The following CNTN4 variants were observed in gnomAD, a reference collection of about 807,000 sequenced individuals.
CNTN4 encodes contactin 4, also known as contactin-4.
CNTN4 carries 77 observed loss-of-function variants against 122.5 expected under a neutral mutation model. That is an observed-to-expected ratio of 0.63 (90% confidence interval 0.52 to 0.76). The LOEUF is 0.76. Ranked by LOEUF, CNTN4 falls within the 30% of genes least tolerant of loss-of-function variation. CNTN4 has a pLI of 0.00. For missense variants in CNTN4, 1,256 were observed against 1,259.1 expected (o/e 1.00, Z 0.04); for synonymous variants, 512 against 447.0 (o/e 1.15, Z -1.83).
chr3:2,312,587 T>C lies in CNTN4; in HGVS notation c.-144-26591T>C, dbSNP rs368951722. On this transcript the variant is annotated intron_variant, in intron 2 of 24. Coordinates refer to ENST00000418658, the MANE Select transcript of CNTN4 (RefSeq NM_175607.3). ...TAAAGTAGGAACACATGCCTCTCTA[T>C]GTGACATCCATTGTGACACAGATGG... 1.3e-3 allele frequency among the ~76,000 whole-genome samples: 197 copies of C among 152,198 alleles called. 10 individuals are homozygous for C. The South Asian group carries it at 0.039, about 30-fold the overall frequency.
chr3:2,994,759 A>T (rs1695379502), intron 14 of CNTN4, among the ~76,000 whole-genome samples: 2 of 152,190 alleles, frequency 1.3e-5, no homozygotes, highest in Admixed American at 6.5e-5. Context: ...AATAAAGTAG[A>T]GTCTTTTCAG....
At chr3:2,821,654 A>G (rs1465906365) in intron 7 of CNTN4, among the ~76,000 whole-genome samples, 4 of 152,192 alleles carry the variant, frequency 2.6e-5, no homozygotes, top group Non-Finnish European at 5.9e-5. Flanking sequence ...AGTGTCGGCT[A>G]AAAGGAACTA....
At chr3:2,154,768 A>G (rs533999238) in intron 2 of CNTN4, among the ~76,000 whole-genome samples, 6 of 152,312 alleles carry the variant, frequency 3.9e-5, no homozygotes, top group African/African-American at 1.4e-4. Flanking sequence ...CATGGGAACC[A>G]CTCCCAATTC....
At chr3:2,826,879 G>C (rs921097221) in intron 7 of CNTN4, among the ~76,000 whole-genome samples, 6 of 151,980 alleles carry the variant, frequency 3.9e-5, no homozygotes, top group Non-Finnish European at 8.8e-5. Context: ...CTGGTTCCTG[G>C]GTTTACCAGT....
intron 2 of CNTN4, among the ~76,000 whole-genome samples, chr3:2,182,824 G>T (rs918029055): frequency 6.6e-6 from 1 of 151,478 alleles, no homozygotes; most frequent in East Asian, 1.9e-4. Context: ...CACCAACTCA[G>T]CACAGGTTTT....
chr3:2,692,587 G>A (rs1466004681), intron 4 of CNTN4, among the ~76,000 whole-genome samples: 7 of 151,778 alleles, frequency 4.6e-5, no homozygotes, highest in African/African-American at 9.7e-5. Flanking sequence ...TAAAATATCC[G>A]GCAACAGTAT....
chr3:2,361,656 TCTG>T (rs1209433000), intron 3 of CNTN4, among the ~76,000 whole-genome samples: 3 of 152,228 alleles, frequency 2.0e-5, no homozygotes, highest in Non-Finnish European at 2.9e-5. Context: ...AATTACATGT[TCTG>T]CTGCTATAAA....
chr3:2,699,614 G>A (rs568645269), intron 4 of CNTN4, among the ~76,000 whole-genome samples: 14 of 152,252 alleles, frequency 9.2e-5, no homozygotes, highest in South Asian at 4.2e-4. Context: ...GTCAGGGAGC[G>A]CTTAGTGTCC....
intron 3 of CNTN4, among the ~76,000 whole-genome samples, chr3:2,503,759 G>A (rs1390162835): frequency 6.6e-6 from 1 of 152,044 alleles, no homozygotes; most frequent in Admixed American, 6.6e-5. Context: ...TATTTACATA[G>A]ATAGGAAAAA....
intron 2 of CNTN4, among the ~76,000 whole-genome samples, chr3:2,149,127 T>G (rs2035383544): frequency 6.6e-6 from 1 of 152,198 alleles, no homozygotes; most frequent in Non-Finnish European, 1.5e-5. Flanking sequence ...CAGGCAAATT[T>G]CCCAGTGTGT....
intron 3 of CNTN4, among the ~76,000 whole-genome samples, chr3:2,560,778 A>G (rs1431460972): frequency 6.6e-6 from 1 of 152,330 alleles, no homozygotes; most frequent in East Asian, 1.9e-4. Context: ...AATAATCTCC[A>G]TGAGGGAAGA....
chr3:2,625,633 C>G (rs2082155207), intron 4 of CNTN4, among the ~76,000 whole-genome samples: 1 of 152,144 alleles, frequency 6.6e-6, no homozygotes, highest in Non-Finnish European at 1.5e-5. Context: ...GCTTAAGTTC[C>G]TGAGATTCAT....
chr3:2,123,242 T>A (rs761477157), intron 2 of CNTN4, among the ~76,000 whole-genome samples: 12 of 152,224 alleles, frequency 7.9e-5, no homozygotes, highest in Non-Finnish European at 1.2e-4. Flanking sequence ...ATCCTCACTT[T>A]ACAATTTTGG....
At chr3:2,819,458 A>G (rs1035465281) in intron 6 of CNTN4, 28 bp from the exon 7 acceptor site, 2 of 1,546,680 alleles carry the variant, frequency 1.3e-6, no homozygotes, top group East Asian at 2.2e-5. Flanking sequence ...TAAAGTTTAA[A>G]TGCTTTTTCC....
In CNTN4 at chr3:2,904,800, G is replaced by A. The variant is rs534248427; in HGVS notation, c.1207+1795G>A. ...CAGCTAGTTGGAAGAACAGCTAAAAGTGAGATGTGGCCTAATGAAATGAAT... is the reference window on the plus strand; with the variant it reads ...CAGCTAGTTGGAAGAACAGCTAAAAATGAGATGTGGCCTAATGAAATGAAT... On this transcript the variant is annotated intron_variant, in intron 12 of 24. Transcript: ENST00000418658. Among the ~76,000 whole-genome samples, 12 of 152,308 alleles carry A rather than the reference G, an allele frequency of 7.9e-5. No homozygotes were observed. In the South Asian group the frequency reaches 2.5e-3, roughly 32 times the overall value.
chr3:2,750,181 C>T (rs2090021520), intron 6 of CNTN4, among the ~76,000 whole-genome samples: 1 of 152,152 alleles, frequency 6.6e-6, no homozygotes, highest in African/African-American at 2.4e-5. Context: ...TCTTCAGCTC[C>T]CAGTTTCATG....
At chr3:2,791,322 A>C (rs1424152455) in intron 6 of CNTN4, among the ~76,000 whole-genome samples, 1 of 152,146 alleles carries the variant, frequency 6.6e-6, no homozygotes, top group African/African-American at 2.4e-5. Flanking sequence ...ACTTGAGCCC[A>C]GGAGTTCGAG....
chr3:2,850,008 G>C (rs1310447299), intron 7 of CNTN4, among the ~76,000 whole-genome samples: 2 of 112,442 alleles, frequency 1.8e-5, no homozygotes, highest in East Asian at 5.8e-4. Flanking sequence ...TTTTTTTTCT[G>C]AGACGGAGTC....
intron 10 of CNTN4, among the ~76,000 whole-genome samples, chr3:2,888,886 T>C (rs2094006931): frequency 6.6e-6 from 1 of 152,116 alleles, no homozygotes; most frequent in Non-Finnish European, 1.5e-5. Flanking sequence ...AATTCCTGTT[T>C]GTTCCCTTTG....
Sources: allele counts gnomAD v4.1 joint callset (sites outside exome capture counted in the v4.1 genomes callset), GRCh38; gene constraint gnomAD v4.1.1; transcripts MANE v1.5; gene names NCBI Gene and HGNC (gene_info 2026-07-23, HGNC 2026-07-21).